IL16: variants seen among roughly 807,000 people sequenced by gnomAD.
The protein encoded by IL16 is interleukin 16, also known as pro-interleukin-16.
In IL16, 67 loss-of-function variants were observed where a neutral mutation model predicts 110.1. The observed-to-expected ratio is 0.61, with a 90% CI of 0.50 to 0.75. IL16 has a LOEUF of 0.75. Among genes scored for constraint, IL16 ranks in the 30% least tolerant of loss-of-function variants. IL16 has a pLI of 0.00. For missense variants in IL16, 1,545 were observed against 1,655.0 expected (o/e 0.93, Z 1.15); for synonymous variants, 689 against 662.9 (o/e 1.04, Z -0.61).
upstream of IL16, among the ~76,000 whole-genome samples, chr15:81,193,016 G>C (rs1895522146): frequency 6.6e-6 from 1 of 152,168 alleles, no homozygotes; most frequent in South Asian, 2.1e-4. Flanking sequence ...AACAAACCTT[G>C]TGAGGTGGAT....
chr15:81,249,331 A>T (rs1043211889), intron 2 of IL16, among the ~76,000 whole-genome samples: 2 of 151,964 alleles, frequency 1.3e-5, no homozygotes, highest in Non-Finnish European at 2.9e-5. Flanking sequence ...ATCTTGGGTC[A>T]CTTCTCTTCT....
chr15:81,221,979 A>G (rs898417013), intron 1 of IL16, among the ~76,000 whole-genome samples: 3 of 152,078 alleles, frequency 2.0e-5, no homozygotes, highest in Non-Finnish European at 2.9e-5. Flanking sequence ...CTATTCCACC[A>G]CTGAGTGAAG....
At position 81,292,584 on chromosome 15, in the gene IL16, C is replaced by G; in HGVS notation, c.1449C>G (p.His483Gln). Residue 483 changes from histidine (H) to glutamine (Q), a missense_variant, in exon 12 of 19, where the codon CAC becomes CAG. By Grantham distance (24) the His-to-Gln change is conservative. This residue lies in a region of IL16 where 1,185 missense variants were observed against 1,238.8 expected (regional missense o/e 0.96). Transcript: ENST00000683961. ...EGVKRLESSWHGRPTLEKERE... is the reference protein window; with the variant it reads ...EGVKRLESSWQGRPTLEKERE... ...TCAAAAGGCTGGAAAGCAGTTGGCACGGGCGGCCCACCTTGGAGAAGGAAC... is the reference window on the plus strand; with the variant it reads ...TCAAAAGGCTGGAAAGCAGTTGGCAGGGGCGGCCCACCTTGGAGAAGGAAC... 1 of 1,604,818 alleles carries G rather than the reference C, an allele frequency of 6.2e-7. No homozygotes were observed. The highest frequency in any genetic ancestry group is 8.5e-7 in the Non-Finnish European group (1 of 1,172,684).
Position 81,196,976 on chromosome 15 carries a change from G to A in IL16, c.-278G>A, listed in dbSNP as rs1358003548. On this transcript the variant is annotated 5_prime_UTR_variant, in exon 1 of 19. Transcript: ENST00000683961. ...GAGCCTGGGATCTGACTCAAAGGCCGGCCTCCGTCTGAGAACTGAGCGTCC... is the reference window on the plus strand; with the variant it reads ...GAGCCTGGGATCTGACTCAAAGGCCAGCCTCCGTCTGAGAACTGAGCGTCC... The A allele has an allele frequency of 7.1e-6, 9 of 1,272,988 alleles. No homozygotes were observed. Among genetic ancestry groups the A allele is most frequent in the African/African-American group, 3.1e-5 (2 of 65,022 alleles). 78.9% of individuals were successfully genotyped at this position (1,272,988 alleles called of 1,614,324 possible).
At chr15:81,256,332 C>CTT (rs386383603) in intron 2 of IL16, among the ~76,000 whole-genome samples, 8,411 of 125,704 alleles carry the variant, frequency 0.067, 1,160 homozygotes, top group African/African-American at 0.24. Context: ...TCTTTACAAA[C>CTT]TTTTTTTTTT....
chr15:81,276,885 G>A (rs1183716206), intron 6 of IL16, among the ~76,000 whole-genome samples: 2 of 152,168 alleles, frequency 1.3e-5, no homozygotes, highest in African/African-American at 2.4e-5. Context: ...CTGTTGAGGA[G>A]AGTCAGCAGA....
chr15:81,273,929 A>G (rs576841688), intron 6 of IL16, among the ~76,000 whole-genome samples: 1 of 95,448 alleles, frequency 1.0e-5, no homozygotes, highest in Non-Finnish European at 2.1e-5. Flanking sequence ...GGTTCCCCCC[A>G]CCCCCACCTC....
chr15:81,233,961 C>T (rs12324786), intron 2 of IL16, among the ~76,000 whole-genome samples: 36,927 of 151,898 alleles, frequency 0.24, 5,287 homozygotes, highest in African/African-American at 0.4. Context: ...AAGCTATACT[C>T]TATGTGCATA....
chr15:81,305,826 C>T (rs926543732), intron 16 of IL16, 82 bp from the exon 17 acceptor site: 1 of 1,525,138 alleles, frequency 6.6e-7, no homozygotes, highest in Non-Finnish European at 8.9e-7. Context: ...CTAGCATTGA[C>T]TAACCGGTTC....
At chr15:81,203,669 C>T (rs1050341669) in intron 1 of IL16, among the ~76,000 whole-genome samples, 3 of 152,092 alleles carry the variant, frequency 2.0e-5, no homozygotes, top group African/African-American at 7.2e-5. Flanking sequence ...CTGTTCTATT[C>T]CATTGGTCTA....
chr15:81,199,236 T>A (rs564088360), intron 1 of IL16, among the ~76,000 whole-genome samples: 109 of 152,238 alleles, frequency 7.2e-4, no homozygotes, highest in South Asian at 3.7e-3. Context: ...TGTGGTTAAC[T>A]AGGAAGGCAG....
intron 1 of IL16, among the ~76,000 whole-genome samples, chr15:81,204,762 G>GA (rs199872438): frequency 6.8e-5 from 8 of 117,902 alleles, no homozygotes; most frequent in African/African-American, 2.9e-4. Flanking sequence ...AAAAAAAAAA[G>GA]AAAAAAAAGA....
intron 2 of IL16, 90 bp downstream of exon 2, chr15:81,225,801 A>G: frequency 4.2e-6 from 5 of 1,180,936 alleles, no homozygotes; most frequent in Non-Finnish European, 5.9e-6. Context: ...TTCAAAAATC[A>G]TGAAGCTGCA....
intron 5 of IL16, 96 bp downstream of exon 5, chr15:81,269,744 G>A: frequency 2.4e-6 from 2 of 839,974 alleles, no homozygotes; most frequent in Admixed American, 1.9e-5. Flanking sequence ...AGGACTACTG[G>A]GGTGTCCTGG....
Position 81,308,953 on chromosome 15 carries a change from C to T in IL16, c.*155C>T, listed in dbSNP as rs375593245. ...CTGCCCAGGCCCAGACCTTCTAGGACGCCACCCAGCAAAAGGTTGTTCCTA... is the reference window on the plus strand; with the variant it reads ...CTGCCCAGGCCCAGACCTTCTAGGATGCCACCCAGCAAAAGGTTGTTCCTA... On this transcript the variant is annotated 3_prime_UTR_variant, in exon 19 of 19. Coordinates refer to ENST00000683961, the MANE Select transcript of IL16 (RefSeq NM_172217.5). The T allele has an allele frequency of 1.5e-4, 85 of 566,798 alleles. No individual in the cohort carries two copies. Among genetic ancestry groups the T allele is most frequent in the Non-Finnish European group, 2.0e-4 (67 of 327,994 alleles). 35.1% of individuals were successfully genotyped at this position (566,798 alleles called of 1,614,324 possible).
chr15:81,239,705 C>A (rs1300474686), intron 2 of IL16, among the ~76,000 whole-genome samples: 1 of 152,194 alleles, frequency 6.6e-6, no homozygotes, highest in Non-Finnish European at 1.5e-5. Context: ...TGGGATTCCC[C>A]ACTAGGTCTT....
chr15:81,182,827 GCT>G, exon 1 of IL16: 1 of 1,287,024 alleles, frequency 7.8e-7, no homozygotes, highest in Non-Finnish European at 1.0e-6. Context: ...ACTTTTCACA[GCT>G]CTCTCTCCCT....
intron 10 of IL16, chr15:81,289,843 T>C: frequency 2.4e-6 from 1 of 414,142 alleles, no homozygotes; most frequent in Non-Finnish European, 4.7e-6. Flanking sequence ...GTCAAATAAT[T>C]TATTTTTAAA....
intron 16 of IL16, among the ~76,000 whole-genome samples, chr15:81,304,036 C>T (rs1900427043): frequency 6.6e-6 from 1 of 152,174 alleles, no homozygotes; most frequent in Non-Finnish European, 1.5e-5. Context: ...TCAGGGTATC[C>T]TTTGTGTAGG....
Sources: gnomAD v4.1 joint callset for allele counts (sites outside exome capture counted in the v4.1 genomes callset) on GRCh38, gnomAD v4.1.1 for gene constraint, gnomAD v4.1.1 regional missense constraint, MANE v1.5 for transcripts, NCBI Gene and HGNC (gene_info 2026-07-23, HGNC 2026-07-21) for gene names.